LAMA5: variants seen among roughly 807,000 people sequenced by gnomAD.
LAMA5 encodes laminin subunit alpha 5.
LAMA5 carries 260 observed loss-of-function variants against 433.4 expected under a neutral mutation model. The observed-to-expected ratio is 0.60, with a 90% CI of 0.54 to 0.66. The LOEUF (loss-of-function observed/expected upper bound fraction) is 0.66. Ranked by LOEUF, LAMA5 falls within the 30% of genes least tolerant of loss-of-function variation. The pLI is 0.00. For missense variants in LAMA5, 5,378 were observed against 5,258.5 expected (o/e 1.02, Z -0.70); for synonymous variants, 2,620 against 2,226.6 (o/e 1.18, Z -4.97).
intron 57 of LAMA5, 95 bp downstream of exon 57, chr20:62,316,576 C>T: frequency 1.0e-6 from 1 of 978,286 alleles, no homozygotes; most frequent in Non-Finnish European, 1.5e-6. Flanking sequence ...CGGTGACCCA[C>T]AAACCCCACG....
intron 48 of LAMA5, among the ~76,000 whole-genome samples, chr20:62,321,755 T>TGGGGCCAGGGGGGGGGG: frequency 2.2e-4 from 1 of 4,592 alleles, no homozygotes; most frequent in South Asian, 8.3e-3. Flanking sequence ...AGTGGAGGGG[T>TGGGGCCAGGGGGGGGGG]GGGGTCAGTG....
Position 62,318,544 on chromosome 20 carries a change from G to A in LAMA5, c.7149C>T (p.Asp2383=), listed in dbSNP as rs1213493209. The A allele has an allele frequency of 1.9e-6, 3 of 1,610,010 alleles. No homozygotes were observed. The highest frequency in any genetic ancestry group is 3.3e-5 in the Admixed American group (2 of 59,894). ...CTGCCCGGTTCAAAGCCTCTCGCAGGTCCATGAGGCCGGCCTCGTGCTGGG... is the reference window on the plus strand; with the variant it reads ...CTGCCCGGTTCAAAGCCTCTCGCAGATCCATGAGGCCGGCCTCGTGCTGGG... The part of the protein sequence containing the change: ...RLAQHEAGLM[D]LREALNRAVD... Residue 2383 remains aspartate (D), a synonymous_variant, in exon 53 of 80, where the codon GAC becomes GAT. Coordinates refer to ENST00000252999, the MANE Select transcript of LAMA5 (RefSeq NM_005560.6).
At chr20:62,310,373 C>T in intron 76 of LAMA5, 46 bp downstream of exon 76, 4 of 1,568,796 alleles carry the variant, frequency 2.5e-6, no homozygotes, top group Middle Eastern at 1.7e-4. Flanking sequence ...CTCCTGGAGC[C>T]CCCTGCCCTG....
In LAMA5 at chr20:62,351,757, G is replaced by C; in HGVS notation, c.903C>G (p.Val301=). 6.2e-7 allele frequency: 1 copy of C among 1,611,808 alleles called. No individual in the cohort carries two copies. The highest frequency in any genetic ancestry group is 2.2e-5 in the East Asian group (1 of 44,858). ...IKDISIGGRC[V]CHGHADACDA... is the part of the protein sequence containing the mutation. ...CGCAGGCATCCGCGTGGCCGTGGCA[G>C]ACACAGCGGCCTCCGATGCTGATAT... is the stretch of plus-strand genomic sequence containing the variant. Residue 301 remains valine, a synonymous_variant, in exon 6 of 80, where the codon GTC becomes GTG. Transcript: ENST00000252999.
At chr20:62,309,603 T>TTGGGAGGAGGGTGGTAGGGGGCAGG (rs1316616742) in intron 79 of LAMA5, 113 bp downstream of exon 79, 1 of 275,400 alleles carries the variant, frequency 3.6e-6, no homozygotes, top group African/African-American at 9.8e-5. Flanking sequence ...GGTAGGGGGG[T>TTGGGAGGAGGGTGGTAGGGGGCAGG]GGGAGGAGGG....
At position 62,329,789 on chromosome 20, in the gene LAMA5, C is replaced by G. The variant is rs768306759; in HGVS notation, c.4107G>C (p.Arg1369=). Residue 1369 remains arginine, a synonymous_variant, in exon 32 of 80, where the codon CGG becomes CGC. Transcript: ENST00000252999. ...AGCTGGGACTCACCAGCCAGAGCCA[C>G]CGGCCCTTGGGCACACGCACGGTCA... The part of the protein sequence containing the change: ...LTVTVRVPKG[R]WLWLDYVLVV... The G allele has an allele frequency of 6.2e-7, 1 of 1,612,428 alleles. No individual in the cohort carries two copies. Among genetic ancestry groups the G allele is most frequent in the African/African-American group, 1.3e-5 (1 of 75,052 alleles).
chr20:62,312,757 G>A lies in LAMA5; in HGVS notation c.9102C>T (p.Gly3034=), dbSNP rs568659123. The part of the protein sequence containing the change: ...SKAIQVFLLG[G]SRKRVLVRVE... ...CACGCACCAGCACACGCTTGCGGCT[G>A]CCCCCCAGCAGGAACACCTGGATCT... is the stretch of plus-strand genomic sequence containing the variant. Residue 3034 remains glycine, a synonymous_variant, in exon 67 of 80, where the codon GGC becomes GGT. Coordinates refer to ENST00000252999, the MANE Select transcript of LAMA5 (RefSeq NM_005560.6). 5.0e-6 allele frequency: 8 copies of A among 1,589,850 alleles called. No individual in the cohort carries two copies. The African/African-American group carries it at 6.7e-5, about 13-fold the overall frequency.
intron 50 of LAMA5, among the ~76,000 whole-genome samples, chr20:62,320,053 TCA>T (rs1316501303): frequency 6.6e-6 from 1 of 152,156 alleles, no homozygotes; most frequent in Non-Finnish European, 1.5e-5. Flanking sequence ...CCACAGTGGC[TCA>T]CGTCTGTAAT....
intron 6 of LAMA5, 49 bp from the exon 7 acceptor site, chr20:62,347,077 G>T: frequency 6.8e-7 from 1 of 1,470,438 alleles, no homozygotes. Flanking sequence ...GAGGCAGGTG[G>T]CAGGTGCTCA....
intron 2 of LAMA5, chr20:62,353,481 C>T (rs971403050): frequency 2.4e-5 from 12 of 493,494 alleles, no homozygotes; most frequent in African/African-American, 1.0e-4. Flanking sequence ...AAGGGCTCCC[C>T]GCCTGGGCTC....
chr20:62,313,948 T>G (rs2004058), intron 62 of LAMA5, 146 bp from the exon 63 acceptor site: 1 of 421,820 alleles, frequency 2.4e-6, no homozygotes, highest in East Asian at 5.7e-5. Flanking sequence ...CGAGTGGGCA[T>G]GGAGAGACGG....
chr20:62,365,845 C>T (rs1012437503), intron 1 of LAMA5, among the ~76,000 whole-genome samples: 2 of 152,150 alleles, frequency 1.3e-5, no homozygotes, highest in East Asian at 1.9e-4. Flanking sequence ...AAGGAGAGAA[C>T]GGTGAGCCCA....
rs760362813 is a variant in LAMA5, at chr20:62,337,608, T to G, written c.2146A>C (p.Asn716His). 6.2e-7 allele frequency: 1 copy of G among 1,609,922 alleles called. No homozygotes were observed. The highest frequency in any genetic ancestry group is 8.5e-7 in the Non-Finnish European group (1 of 1,178,842). The change falls in exon 16 of 80, where the codon AAC becomes CAC. Residue 716 changes from asparagine to histidine, a missense_variant. Coordinates refer to ENST00000252999, the MANE Select transcript of LAMA5 (RefSeq NM_005560.6). ...RCDTCVPGAY[N>H]FPYCEAGSCH... The stretch of plus-strand genomic sequence containing the variant: ...TGCTCACCTTCGCAGTAGGGGAAGT[T>G]GTAGGCACCGGGCACACATGTGTCA...
At chr20:62,321,388 G>GTCAGAGGACGGGTGGGT (rs573723685) in intron 48 of LAMA5, among the ~76,000 whole-genome samples, 1 of 3,586 alleles carries the variant, frequency 2.8e-4, no homozygotes. Flanking sequence ...GAGGGGTGGG[G>GTCAGAGGACGGGTGGGT]TCAGAGGACG....
intron 2 of LAMA5, among the ~76,000 whole-genome samples, chr20:62,362,175 G>A (rs924266070): frequency 6.6e-6 from 1 of 152,222 alleles, no homozygotes; most frequent in African/African-American, 2.4e-5. Flanking sequence ...ATGAGCACCC[G>A]CTTTCCCTGT....
At chr20:62,325,017 G>T in intron 41 of LAMA5, 1 of 372,422 alleles carries the variant, frequency 2.7e-6, no homozygotes. Flanking sequence ...GGTCGGTGGG[G>T]GATGTCCAGG....
At chr20:62,334,906 C>T (rs1026966000) in intron 20 of LAMA5, 115 bp downstream of exon 20, 4 of 963,000 alleles carry the variant, frequency 4.2e-6, no homozygotes, top group Non-Finnish European at 6.3e-6. Context: ...GGCAGCCATC[C>T]ATCACCCGGG....
intron 26 of LAMA5, 53 bp downstream of exon 26, chr20:62,333,037 C>T (rs367624052): frequency 4.2e-6 from 6 of 1,421,762 alleles, no homozygotes; most frequent in Non-Finnish European, 2.8e-6. Flanking sequence ...CCCCCAGCCC[C>T]CAGGCCAAGG....
At chr20:62,336,624 G>T in intron 17 of LAMA5, 110 bp downstream of exon 17, 1 of 1,354,640 alleles carries the variant, frequency 7.4e-7, no homozygotes, top group Non-Finnish European at 1.0e-6. Context: ...CCCTGGGGTT[G>T]CCATGGCAAC....
Sources: allele counts gnomAD v4.1 joint callset (sites outside exome capture counted in the v4.1 genomes callset), GRCh38; gene constraint gnomAD v4.1.1; transcripts MANE v1.5; gene names NCBI Gene and HGNC (gene_info 2026-07-23, HGNC 2026-07-21).